The following ZMIZ1 variants were observed in gnomAD, a reference collection of about 807,000 sequenced individuals.
The protein encoded by ZMIZ1 is zinc finger MIZ-type containing 1, also known as zinc finger MIZ domain-containing protein 1.
In ZMIZ1, 17 loss-of-function variants were observed where a neutral mutation model predicts 113.9. That is an observed-to-expected ratio of 0.15 (90% CI 0.10 to 0.22). The LOEUF (loss-of-function observed/expected upper bound fraction) is 0.22. Among genes scored for constraint, ZMIZ1 ranks in the 10% least tolerant of loss-of-function variants. The probability of loss-of-function intolerance (pLI) is 1.00; values close to 1 mark genes in which losing one functional copy is unlikely to be tolerated. For synonymous variants in ZMIZ1, 607 were observed against 603.1 expected (o/e 1.01, Z -0.09); for missense variants, 1,059 against 1,477.8 (o/e 0.72, Z 4.65).
At chr10:79,165,482 A>G (rs2132507853) in intron 4 of ZMIZ1, among the ~76,000 whole-genome samples, 1 of 152,036 alleles carries the variant, frequency 6.6e-6, no homozygotes, top group East Asian at 1.9e-4. Flanking sequence ...TGTGCGTAGT[A>G]GCGTGTGCCT....
At chr10:79,107,959 C>T (rs1253517823) in intron 1 of ZMIZ1, among the ~76,000 whole-genome samples, 1 of 152,144 alleles carries the variant, frequency 6.6e-6, no homozygotes, top group Admixed American at 6.5e-5. Flanking sequence ...GCCAGCTCCC[C>T]ACCTTCTTTC....
At chr10:79,186,119 A>G (rs1291111145) in intron 4 of ZMIZ1, among the ~76,000 whole-genome samples, 2 of 152,086 alleles carry the variant, frequency 1.3e-5, no homozygotes, top group Non-Finnish European at 2.9e-5. Flanking sequence ...ACTTGGGTCC[A>G]AATACCAGAC....
chr10:79,165,915 T>A (rs1195372987), intron 4 of ZMIZ1, among the ~76,000 whole-genome samples: 1 of 34,304 alleles, frequency 2.9e-5, no homozygotes, highest in Non-Finnish European at 7.0e-5. Context: ...TTTCTTTACT[T>A]CTTCTGGCCT....
At position 79,312,842 on chromosome 10, in the gene ZMIZ1, GC is replaced by G; in HGVS notation, c.*97del. Reference sequence around the variant, plus strand: ...ACCTGGGAGCCTGTGCCCTCAGACCGCCCCGCACCAGAGCCACGGGCTGTGG... The same window carrying G: ...ACCTGGGAGCCTGTGCCCTCAGACCGCCCGCACCAGAGCCACGGGCTGTGG... On this transcript the variant is annotated 3_prime_UTR_variant, in exon 25 of 25. Transcript: ENST00000334512. 1.1e-5 allele frequency: 13 copies of G among 1,236,746 alleles called. No homozygotes were observed. The highest frequency in any genetic ancestry group is 1.4e-5 in the Non-Finnish European group (12 of 861,860). The allele number at this position is 1,236,746 out of a possible 1,614,324, so 76.6% of individuals were successfully genotyped here. A position where few individuals can be genotyped will look rare whatever the true frequency, so the allele number is the denominator to read the frequency against.
At chr10:79,299,343 G>C in intron 16 of ZMIZ1, 152 bp downstream of exon 16, 1 of 1,204,730 alleles carries the variant, frequency 8.3e-7, no homozygotes, top group Non-Finnish European at 1.1e-6. Flanking sequence ...CCTGTCCTGC[G>C]GTTGTCATGG....
rs748801263 is a variant in ZMIZ1 at position 79,300,798 on chromosome 10, C to T, written c.1875C>T (p.Pro625=). 5.0e-6 allele frequency: 8 copies of T among 1,613,834 alleles called. No homozygotes were observed. The highest frequency in any genetic ancestry group is 4.0e-5 in the African/African-American group (3 of 74,886). ...HEDRQMNTNW[P]ASVQVSVNAT... ...ACCGGCAGATGAACACCAACTGGCCCGCCTCGGTGCAGGTCAGCGTGAACG... is the reference window on the plus strand; with the variant it reads ...ACCGGCAGATGAACACCAACTGGCCTGCCTCGGTGCAGGTCAGCGTGAACG... The change falls in exon 17 of 25, where the codon CCC becomes CCT. Residue 625 remains proline (P), a synonymous_variant. Transcript: ENST00000334512.
chr10:79,164,379 A>G (rs922889860), intron 4 of ZMIZ1, among the ~76,000 whole-genome samples: 2 of 152,224 alleles, frequency 1.3e-5, no homozygotes, highest in Admixed American at 1.3e-4. Context: ...GGCACAGAGC[A>G]GTGGCCCCAT....
chr10:79,240,413 T>C (rs1849772772), intron 7 of ZMIZ1, among the ~76,000 whole-genome samples: 1 of 152,128 alleles, frequency 6.6e-6, no homozygotes. Context: ...TCGGAACAAG[T>C]GGAGAAGGCC....
chr10:79,187,555 C>T (rs1365784862), intron 4 of ZMIZ1, among the ~76,000 whole-genome samples: 1 of 152,222 alleles, frequency 6.6e-6, no homozygotes, highest in African/African-American at 2.4e-5. Flanking sequence ...CCGGAAAGCT[C>T]AGCACCCCAG....
At chr10:79,135,896 A>G (rs952947812) in intron 2 of ZMIZ1, among the ~76,000 whole-genome samples, 1 of 145,448 alleles carries the variant, frequency 6.9e-6, no homozygotes, top group Admixed American at 6.8e-5. Flanking sequence ...CCACCCACCC[A>G]CCCGCCGCCG....
Position 79,312,899 on chromosome 10 carries a change from T to G in ZMIZ1, c.*150T>G. 2 of 673,406 alleles carry G rather than the reference T, an allele frequency of 3.0e-6. No homozygotes were observed. Among genetic ancestry groups the G allele is most frequent in the Non-Finnish European group, 2.5e-6 (1 of 399,086 alleles). 41.7% of individuals were successfully genotyped at this position (673,406 alleles called of 1,614,324 possible). ...GGAGCCCTCCCCCGCTGCAGCCCTCTCAGAACAGAGGGGTAGGGAGGGTGC... is the reference window on the plus strand; with the variant it reads ...GGAGCCCTCCCCCGCTGCAGCCCTCGCAGAACAGAGGGGTAGGGAGGGTGC... On this transcript the variant is annotated 3_prime_UTR_variant, in exon 25 of 25. Transcript: ENST00000334512.
At chr10:79,136,545 G>C (rs957778406) in intron 2 of ZMIZ1, among the ~76,000 whole-genome samples, 1 of 152,270 alleles carries the variant, frequency 6.6e-6, no homozygotes, top group Non-Finnish European at 1.5e-5. Context: ...TCTCAGGGAA[G>C]GAGACCCTTC....
chr10:79,185,244 C>T (rs1019228130), intron 4 of ZMIZ1, among the ~76,000 whole-genome samples: 2 of 152,112 alleles, frequency 1.3e-5, no homozygotes, highest in Non-Finnish European at 2.9e-5. Context: ...ACGCCCCCCT[C>T]CCCCCGAAAT....
intron 1 of ZMIZ1, among the ~76,000 whole-genome samples, chr10:79,097,575 A>G (rs749224894): frequency 2.0e-5 from 3 of 152,254 alleles, no homozygotes. Flanking sequence ...CTGTTTCCCC[A>G]GTAATTCTAG....
intron 4 of ZMIZ1, among the ~76,000 whole-genome samples, chr10:79,197,274 G>A (rs1215272189): frequency 2.6e-5 from 4 of 152,196 alleles, no homozygotes; most frequent in African/African-American, 4.8e-5. Context: ...ATGCCCCCAC[G>A]TGGGACCCAG....
At position 79,128,888 on chromosome 10, in the gene ZMIZ1, C is replaced by T. The variant is rs1241671748; in HGVS notation, c.-227+9864C>T. 5.3e-5 allele frequency among the ~76,000 whole-genome samples: 8 copies of T among 152,170 alleles called. No individual in the cohort carries two copies. In the East Asian group the frequency reaches 1.5e-3, roughly 29 times the overall value. On this transcript the variant is annotated intron_variant, in intron 2 of 24. Transcript: ENST00000334512. The stretch of plus-strand genomic sequence containing the variant: ...GGTGTGAGAGCCTGGGCGTGCTTAA[C>T]CCATCCACACCTCAATTTCCTCATC...
Position 79,313,381 on chromosome 10 carries a change from TA to T in ZMIZ1, c.*635del, listed in dbSNP as rs934775739. The T allele has an allele frequency of 6.4e-6, 1 of 155,694 alleles. No homozygotes were observed. Among genetic ancestry groups the T allele is most frequent in the Non-Finnish European group, 1.4e-5 (1 of 70,562 alleles). 9.6% of individuals were successfully genotyped at this position (155,694 alleles called of 1,614,324 possible). Reference sequence around the variant, plus strand: ...CTGACCTATAAGCCAAGATACCCCATAAACACACTCAGAAAGCAGAGAAAAA... The same window carrying T: ...CTGACCTATAAGCCAAGATACCCCATAACACACTCAGAAAGCAGAGAAAAA... On this transcript the variant is annotated 3_prime_UTR_variant, in exon 25 of 25. Transcript: ENST00000334512.
At chr10:79,156,746 C>T (rs1324248022) in intron 3 of ZMIZ1, among the ~76,000 whole-genome samples, 3 of 152,214 alleles carry the variant, frequency 2.0e-5, no homozygotes, top group Non-Finnish European at 4.4e-5. Context: ...CCCAGGACTT[C>T]CCGCAGACCC....
intron 4 of ZMIZ1, among the ~76,000 whole-genome samples, chr10:79,200,937 G>A (rs1054570327): frequency 6.6e-6 from 1 of 152,092 alleles, no homozygotes; most frequent in African/African-American, 2.4e-5. Context: ...ACACACACGT[G>A]GGCCAAGCCC....
Sources: allele counts gnomAD v4.1 joint callset (sites outside exome capture counted in the v4.1 genomes callset), GRCh38; gene constraint gnomAD v4.1.1; transcripts MANE v1.5; gene names NCBI Gene and HGNC (gene_info 2026-07-23, HGNC 2026-07-21).